Variants in SLAMF8 observed in about 807,000 individuals in gnomAD.
SLAMF8 encodes SLAM family member 8.
A neutral mutation model predicts 29.0 loss-of-function variants in SLAMF8; 23 were observed. The ratio of observed to expected loss-of-function variants is 0.79; its 90% CI spans 0.57 to 1.13. SLAMF8 has a LOEUF of 1.13. Ranked by LOEUF, SLAMF8 falls within the 50% of genes most tolerant of loss-of-function variation. The pLI, the probability that SLAMF8 is intolerant of heterozygous loss-of-function variation, is 0.00. For missense variants in SLAMF8, 381 were observed against 353.1 expected, an observed-to-expected ratio of 1.08 and a Z score of -0.63; for synonymous variants, 139 against 145.6, an observed-to-expected ratio of 0.96 and a Z score of 0.32.
Position 159,836,950 on chromosome 1 carries a change from A to C in SLAMF8, c.*1690A>C, listed in dbSNP as rs1647988224. On this transcript the variant is annotated 3_prime_UTR_variant, in exon 5 of 5. Coordinates refer to ENST00000289707, the MANE Select transcript of SLAMF8 (RefSeq NM_020125.3). ...CTACAGTCAGGCCACATGCCTGGTC[A>C]CTGAATCATGCAAAACTGGCCTCAG... The C allele has an allele frequency of 1.0e-6, 1 of 985,388 alleles. No individual in the cohort carries two copies. The highest frequency in any genetic ancestry group is 1.7e-5 in the African/African-American group (1 of 57,226). 61.0% of individuals were successfully genotyped at this position (985,388 alleles called of 1,614,324 possible). A position where few individuals can be genotyped will look rare whatever the true frequency, so the allele number is the denominator to read the frequency against.
At chr1:159,830,430 T>C (rs1167982864) in intron 2 of SLAMF8, among the ~76,000 whole-genome samples, 1 of 152,222 alleles carries the variant, frequency 6.6e-6, no homozygotes, top group Non-Finnish European at 1.5e-5. Context: ...AGTCTTTTCT[T>C]GGCTCAGTGG....
At chr1:159,828,129 C>T (rs762390745) in intron 1 of SLAMF8, among the ~76,000 whole-genome samples, 1 of 152,228 alleles carries the variant, frequency 6.6e-6, no homozygotes, top group Non-Finnish European at 1.5e-5. Flanking sequence ...CCACCACACC[C>T]AGCCCAAAAA....
At position 159,836,198 on chromosome 1, in the gene SLAMF8, T is replaced by G. The variant is rs189925445; in HGVS notation, c.*938T>G. 2.5e-3 allele frequency: 2,441 copies of G among 985,402 alleles called. 1 individual carries two copies. Among genetic ancestry groups the G allele is most frequent in the Non-Finnish European group, 2.8e-3 (2,290 of 829,916 alleles). 61.0% of individuals were successfully genotyped at this position (985,402 alleles called of 1,614,324 possible). ...CATAAAACGCTATGCAGAAGGAACA[T>G]TATGGAGAGAAAGGGTACTGAGGCA... On this transcript the variant is annotated 3_prime_UTR_variant, in exon 5 of 5. Coordinates refer to ENST00000289707, the MANE Select transcript of SLAMF8 (RefSeq NM_020125.3).
rs987594309 is a variant in SLAMF8, at chr1:159,836,166, G to A, written c.*906G>A. ...TCTTCCTGCCTGAAACTGAGAGAGT[G>A]AAGAACCATAAAACGCTATGCAGAA... On this transcript the variant is annotated 3_prime_UTR_variant, in exon 5 of 5. Transcript: ENST00000289707. The A allele has an allele frequency of 3.0e-6, 3 of 985,208 alleles. No individual in the cohort carries two copies. In the African/African-American group the frequency reaches 5.2e-5, roughly 17 times the overall value. The allele number at this position is 985,208 out of a possible 1,614,324, so 61.0% of individuals were successfully genotyped here.
chr1:159,835,605 A>G lies in SLAMF8; in HGVS notation c.*345A>G. On this transcript the variant is annotated 3_prime_UTR_variant, in exon 5 of 5. Coordinates refer to ENST00000289707, the MANE Select transcript of SLAMF8 (RefSeq NM_020125.3). ...GGCATTCCCTCCCCCACCACTATTCATAAAGTATTAACCAACTGGCACCAA... is the reference window on the plus strand; with the variant it reads ...GGCATTCCCTCCCCCACCACTATTCGTAAAGTATTAACCAACTGGCACCAA... 1 of 1,046,498 alleles carries G rather than the reference A, an allele frequency of 9.6e-7. No homozygotes were observed. Among genetic ancestry groups the G allele is most frequent in the Non-Finnish European group, 1.2e-6 (1 of 868,642 alleles). The allele number at this position is 1,046,498 out of a possible 1,614,324, so 64.8% of individuals were successfully genotyped here.
rs1647580534 is a variant in SLAMF8 at position 159,832,802 on chromosome 1, A to T, written c.368-74A>T. The T allele has an allele frequency of 2.0e-6, 3 of 1,526,188 alleles. No homozygotes were observed. The Admixed American group carries it at 5.4e-5, about 28-fold the overall frequency. The allele number at this position is 1,526,188 out of a possible 1,614,324, so 94.5% of individuals were successfully genotyped here. ...CCAGAGGTGGCATCTAACCCTGGGT[A>T]GATCCCAGAGCCAGAGATGTGGGCC... On this transcript the variant is annotated intron_variant, in intron 2 of 4. Coordinates refer to ENST00000289707, the MANE Select transcript of SLAMF8 (RefSeq NM_020125.3).
intron 1 of SLAMF8, among the ~76,000 whole-genome samples, chr1:159,827,155 G>T (rs975626109): frequency 2.6e-5 from 4 of 152,194 alleles, no homozygotes; most frequent in Admixed American, 6.5e-5. Context: ...CAGCTTGAGG[G>T]GTATTCTTAT....
rs188292619 is a variant in SLAMF8, at chr1:159,837,297, A to G, written c.*2037A>G. On this transcript the variant is annotated 3_prime_UTR_variant, in exon 5 of 5. Coordinates refer to ENST00000289707, the MANE Select transcript of SLAMF8 (RefSeq NM_020125.3). Reference sequence around the variant, plus strand: ...AATTAACCCTCCACCAAAAAAACACAAAGTGCTTCTGTGAGACCAATTTTG... The same window carrying G: ...AATTAACCCTCCACCAAAAAAACACGAAGTGCTTCTGTGAGACCAATTTTG... 1.5e-4 allele frequency: 145 copies of G among 985,498 alleles called. 3 individuals carry two copies. In the South Asian group the frequency reaches 3.1e-3, roughly 21 times the overall value. 61.0% of individuals were successfully genotyped at this position (985,498 alleles called of 1,614,324 possible). A position where few individuals can be genotyped will look rare whatever the true frequency, so the allele number is the denominator to read the frequency against.
rs1264215640 is a variant in SLAMF8, at chr1:159,830,007, C to A, written c.182C>A (p.Ala61Asp). Residue 61 changes from alanine to aspartate, a missense_variant, in exon 2 of 5, where the codon GCC (alanine) becomes GAC (aspartate). Ala to Asp is a moderately radical substitution (Grantham distance 126). Transcript: ENST00000289707. ...RSLWPSEELL[A>D]TFFRGSLETL... The stretch of plus-strand genomic sequence containing the variant: ...CTCTGGCCTTCAGAAGAGCTCCTGG[C>A]CACGTTTTTCCGAGGCTCCCTGGAG... The A allele has an allele frequency of 1.2e-6, 2 of 1,614,114 alleles. No homozygotes were observed. Among genetic ancestry groups the A allele is most frequent in the African/African-American group, 1.3e-5 (1 of 74,940 alleles).
rs1647969837 is a variant in SLAMF8, at chr1:159,836,732, A to G, written c.*1472A>G. 2 of 985,560 alleles carry G rather than the reference A, an allele frequency of 2.0e-6. No individual in the cohort carries two copies. Among genetic ancestry groups the G allele is most frequent in the South Asian group, 9.4e-5 (2 of 21,288 alleles). 61.1% of individuals were successfully genotyped at this position (985,560 alleles called of 1,614,324 possible). ...CACAGCTGGCCTCCAGATCCACATC[A>G]CCACTCTTCCACTCGATTGTTCCCA... is the stretch of plus-strand genomic sequence containing the variant. On this transcript the variant is annotated 3_prime_UTR_variant, in exon 5 of 5. Coordinates refer to ENST00000289707, the MANE Select transcript of SLAMF8 (RefSeq NM_020125.3).
rs769598444 is a variant in SLAMF8, at chr1:159,832,830, G to T, written c.368-46G>T. ...TCCCAGAGCCAGAGATGTGGGCCCTGCCCAGCATCCCTGAGACCCATACCA... is the reference window on the plus strand; with the variant it reads ...TCCCAGAGCCAGAGATGTGGGCCCTTCCCAGCATCCCTGAGACCCATACCA... On this transcript the variant is annotated intron_variant, in intron 2 of 4. Coordinates refer to ENST00000289707, the MANE Select transcript of SLAMF8 (RefSeq NM_020125.3). The T allele has an allele frequency of 2.0e-5, 31 of 1,584,878 alleles. No individual in the cohort carries two copies. The Admixed American group carries it at 5.3e-4, about 27-fold the overall frequency.
chr1:159,828,023 A>G (rs1456377399), intron 1 of SLAMF8, among the ~76,000 whole-genome samples: 1 of 152,222 alleles, frequency 6.6e-6, no homozygotes. Context: ...TAGTAGAGAC[A>G]GGGTTTCATC....
At chr1:159,827,011 T>G in intron 1 of SLAMF8, 73 bp downstream of exon 1, 1 of 1,585,306 alleles carries the variant, frequency 6.3e-7, no homozygotes, top group Non-Finnish European at 8.6e-7. Flanking sequence ...GCCAGACGTC[T>G]GGGCAGGGAT....
At position 159,836,219 on chromosome 1, in the gene SLAMF8, A is replaced by AG; in HGVS notation, c.*961dup. On this transcript the variant is annotated 3_prime_UTR_variant, in exon 5 of 5. Transcript: ENST00000289707. The stretch of plus-strand genomic sequence containing the variant: ...AACATTATGGAGAGAAAGGGTACTG[A>AG]GGCACTCTAGAATCTGCCACATTCA... 1.0e-6 allele frequency: 1 copy of AG among 985,488 alleles called. No homozygotes were observed. The highest frequency in any genetic ancestry group is 1.2e-6 in the Non-Finnish European group (1 of 829,948). 61.0% of individuals were successfully genotyped at this position (985,488 alleles called of 1,614,324 possible). A position where few individuals can be genotyped will look rare whatever the true frequency, so the allele number is the denominator to read the frequency against.
rs1419783697 is a variant in SLAMF8 at position 159,835,178 on chromosome 1, T to C, written c.782-6T>C. On this transcript the variant is annotated splice_polypyrimidine_tract_variant and splice_region_variant and intron_variant, in intron 4 of 4. Transcript: ENST00000289707. Reference sequence around the variant, plus strand: ...GGGGTAACTTTCTTTCTGATGTCCTTACCAGGGAAAAAGAAAAAGGATGTC... The same window carrying C: ...GGGGTAACTTTCTTTCTGATGTCCTCACCAGGGAAAAAGAAAAAGGATGTC... 1.2e-6 allele frequency: 2 copies of C among 1,613,618 alleles called. No individual in the cohort carries two copies. Among genetic ancestry groups the C allele is most frequent in the Admixed American group, 3.3e-5 (2 of 59,952 alleles).
rs1647910694 is a variant in SLAMF8, at chr1:159,836,113, C to G, written c.*853C>G. The G allele has an allele frequency of 1.0e-6, 1 of 985,298 alleles. No homozygotes were observed. Among genetic ancestry groups the G allele is most frequent in the African/African-American group, 1.7e-5 (1 of 57,226 alleles). 61.0% of individuals were successfully genotyped at this position (985,298 alleles called of 1,614,324 possible). The stretch of plus-strand genomic sequence containing the variant: ...CCAACAGGACGTTCTTGCACAACTT[C>G]AAGAAAAGCAGCTCAGCTCAGGATG... On this transcript the variant is annotated 3_prime_UTR_variant, in exon 5 of 5. Coordinates refer to ENST00000289707, the MANE Select transcript of SLAMF8 (RefSeq NM_020125.3).
At position 159,835,464 on chromosome 1, in the gene SLAMF8, C is replaced by T; in HGVS notation, c.*204C>T. On this transcript the variant is annotated 3_prime_UTR_variant, in exon 5 of 5. Coordinates refer to ENST00000289707, the MANE Select transcript of SLAMF8 (RefSeq NM_020125.3). Reference sequence around the variant, plus strand: ...CACGTTTCACACCTCCCCCTTCCCTCTCCCATCTTCTCATATCCTGGCTCT... The same window carrying T: ...CACGTTTCACACCTCCCCCTTCCCTTTCCCATCTTCTCATATCCTGGCTCT... 1 of 1,351,070 alleles carries T rather than the reference C, an allele frequency of 7.4e-7. No homozygotes were observed. Among genetic ancestry groups the T allele is most frequent in the East Asian group, 2.9e-5 (1 of 34,438 alleles). 83.7% of individuals were successfully genotyped at this position (1,351,070 alleles called of 1,614,324 possible).
rs78758935 is a variant in SLAMF8 at position 159,836,941 on chromosome 1, T to A, written c.*1681T>A. The A allele has an allele frequency of 0.038, 37,680 of 985,480 alleles. 1,759 individuals are homozygous for A. Among genetic ancestry groups the A allele is most frequent in the African/African-American group, 0.21 (12,291 of 57,294 alleles). 61.0% of individuals were successfully genotyped at this position (985,480 alleles called of 1,614,324 possible). On this transcript the variant is annotated 3_prime_UTR_variant, in exon 5 of 5. Coordinates refer to ENST00000289707, the MANE Select transcript of SLAMF8 (RefSeq NM_020125.3). Reference sequence around the variant, plus strand: ...ACCTGCCACCTACAGTCAGGCCACATGCCTGGTCACTGAATCATGCAAAAC... The same window carrying A: ...ACCTGCCACCTACAGTCAGGCCACAAGCCTGGTCACTGAATCATGCAAAAC...
chr1:159,826,960 C>T (rs1233302545), intron 1 of SLAMF8, 22 bp downstream of exon 1: 2 of 1,613,806 alleles, frequency 1.2e-6, no homozygotes, highest in African/African-American at 1.3e-5. Context: ...AGGCAGATAG[C>T]CTGTCCTCGG....
Sources: allele counts gnomAD v4.1 joint callset (sites outside exome capture counted in the v4.1 genomes callset), GRCh38; gene constraint gnomAD v4.1.1; transcripts MANE v1.5; gene names NCBI Gene and HGNC (gene_info 2026-07-23, HGNC 2026-07-21).